TRPC6: variants seen among roughly 807,000 people sequenced by gnomAD.
TRPC6 encodes transient receptor potential cation channel subfamily C member 6.
A neutral mutation model predicts 90.7 loss-of-function variants in TRPC6; 55 were observed. The ratio of observed to expected loss-of-function variants is 0.61; its 90% CI spans 0.49 to 0.76. The LOEUF is 0.76. Among genes scored for constraint, TRPC6 ranks in the 30% least tolerant of loss-of-function variants. The pLI is 0.00. For missense variants in TRPC6, 989 were observed against 1,122.7 expected (o/e 0.88, Z 1.70); for synonymous variants, 393 against 393.0 (o/e 1.00, Z 0.00).
At chr11:101,480,516 T>G (rs1315951695) in intron 5 of TRPC6, among the ~76,000 whole-genome samples, 4 of 152,046 alleles carry the variant, frequency 2.6e-5, no homozygotes, top group Non-Finnish European at 5.9e-5. Flanking sequence ...CATTTTATTC[T>G]TTACCATAAA....
intron 1 of TRPC6, among the ~76,000 whole-genome samples, chr11:101,537,763 C>CA (rs34060162): frequency 2.6e-4 from 38 of 148,190 alleles, no homozygotes; most frequent in South Asian, 6.4e-4. Flanking sequence ...ACATTGCTGT[C>CA]AAAAAAAAAA....
chr11:101,518,667 A>G (rs1488134023), intron 1 of TRPC6, among the ~76,000 whole-genome samples: 1 of 152,252 alleles, frequency 6.6e-6, no homozygotes, highest in Non-Finnish European at 1.5e-5. Flanking sequence ...CTGCCATATG[A>G]TCCAGCAATC....
chr11:101,477,801 A>T (rs1303317575), intron 5 of TRPC6, among the ~76,000 whole-genome samples: 2 of 152,230 alleles, frequency 1.3e-5, no homozygotes, highest in Non-Finnish European at 2.9e-5. Context: ...CTTGGAAAAA[A>T]GTATGACTAA....
chr11:101,583,278 C>A lies in TRPC6; in HGVS notation c.170+56G>T, dbSNP rs1862241211. The stretch of plus-strand genomic sequence containing the variant: ...ACGGACTCGGCCACTCCTGCGAGCG[C>A]ACAACCTCCCTCCGCGCAGCCCGCG... On this transcript the variant is annotated intron_variant, in intron 1 of 12. Transcript: ENST00000344327. 32 of 1,530,352 alleles carry A rather than the reference C, an allele frequency of 2.1e-5. No individual in the cohort carries two copies. In the South Asian group the frequency reaches 3.8e-4, roughly 18 times the overall value. The allele number at this position is 1,530,352 out of a possible 1,614,324, so 94.8% of individuals were successfully genotyped here. A position where few individuals can be genotyped will look rare whatever the true frequency, so the allele number is the denominator to read the frequency against.
chr11:101,463,069 T>C (rs1042023934), intron 10 of TRPC6, among the ~76,000 whole-genome samples: 15 of 152,222 alleles, frequency 9.9e-5, no homozygotes, highest in Admixed American at 9.8e-4. Context: ...GAGATAATCA[T>C]GTGGTTTTTG....
intron 1 of TRPC6, among the ~76,000 whole-genome samples, chr11:101,566,847 C>G (rs986726038): frequency 6.6e-6 from 1 of 152,198 alleles, no homozygotes; most frequent in African/African-American, 2.4e-5. Flanking sequence ...AGCCCAGATA[C>G]TGGGCTTTTC....
At chr11:101,526,848 A>G (rs1245621243) in intron 1 of TRPC6, among the ~76,000 whole-genome samples, 1 of 132,436 alleles carries the variant, frequency 7.6e-6, no homozygotes, top group Non-Finnish European at 1.6e-5. Flanking sequence ...TGGGTGACAG[A>G]AGGAGACTGT....
At chr11:101,551,487 TCTA>T (rs1565240095) in intron 1 of TRPC6, among the ~76,000 whole-genome samples, 1 of 150,966 alleles carries the variant, frequency 6.6e-6, no homozygotes, top group Non-Finnish European at 1.5e-5. Flanking sequence ...TACAAATTAT[TCTA>T]CTAAGAAATA....
At chr11:101,573,117 G>T (rs1862000029) in intron 1 of TRPC6, among the ~76,000 whole-genome samples, 1 of 147,690 alleles carries the variant, frequency 6.8e-6, no homozygotes, top group Non-Finnish European at 1.5e-5. Flanking sequence ...AAAATCTAGT[G>T]ATACAGTATG....
chr11:101,458,255 T>C (rs1858929442), intron 10 of TRPC6, among the ~76,000 whole-genome samples: 1 of 152,172 alleles, frequency 6.6e-6, no homozygotes, highest in African/African-American at 2.4e-5. Context: ...CTGTAGTCAA[T>C]TCATCCTAGA....
In TRPC6 at chr11:101,527,791, C is replaced by T. The variant is rs1288606260; in HGVS notation, c.171-22993G>A. Among the ~76,000 whole-genome samples, 3 of 151,970 alleles carry T rather than the reference C, an allele frequency of 2.0e-5. No individual in the cohort carries two copies. The East Asian group carries it at 5.8e-4, about 29-fold the overall frequency. On this transcript the variant is annotated intron_variant, in intron 1 of 12. Transcript: ENST00000344327. ...GTGATGGAGTGTAAAATATTTTTGT[C>T]AGCCAGGCACAGTGGCTCACACCTG...
intron 1 of TRPC6, among the ~76,000 whole-genome samples, chr11:101,541,090 A>C (rs1045036623): frequency 2.6e-5 from 4 of 152,234 alleles, no homozygotes; most frequent in African/African-American, 4.8e-5. Flanking sequence ...GAATTAATAG[A>C]AAATGTATAT....
At chr11:101,580,420 C>A (rs1466369208) in intron 1 of TRPC6, among the ~76,000 whole-genome samples, 1 of 152,102 alleles carries the variant, frequency 6.6e-6, no homozygotes, top group Non-Finnish European at 1.5e-5. Context: ...AAGAGAAAAT[C>A]TGAGCCATTT....
chr11:101,579,405 G>T (rs1478066547), intron 1 of TRPC6, among the ~76,000 whole-genome samples: 1 of 152,052 alleles, frequency 6.6e-6, no homozygotes, highest in East Asian at 1.9e-4. Context: ...ACTACTGCAT[G>T]TCTTATATCT....
chr11:101,526,657 G>A (rs915646222), intron 1 of TRPC6, among the ~76,000 whole-genome samples: 2 of 151,720 alleles, frequency 1.3e-5, no homozygotes, highest in Middle Eastern at 3.2e-3. Flanking sequence ...GGTCAGGAGT[G>A]TGAGACCAGT....
chr11:101,570,316 A>G (rs1861931972), intron 1 of TRPC6, among the ~76,000 whole-genome samples: 1 of 152,208 alleles, frequency 6.6e-6, no homozygotes, highest in Admixed American at 6.5e-5. Context: ...TCCCAAGACT[A>G]ATCCAGGTAG....
chr11:101,583,247 G>T, intron 1 of TRPC6, 87 bp downstream of exon 1: 1 of 1,492,706 alleles, frequency 6.7e-7, no homozygotes, highest in Non-Finnish European at 8.9e-7. Flanking sequence ...TTCAGGACGC[G>T]CGCGGACGGA....
At chr11:101,517,775 C>T (rs1337575095) in intron 1 of TRPC6, among the ~76,000 whole-genome samples, 4 of 152,184 alleles carry the variant, frequency 2.6e-5, no homozygotes, top group East Asian at 1.9e-4. Context: ...ACTAACTTGC[C>T]CAATGTTAAA....
In TRPC6 at chr11:101,452,780, T is replaced by G. The variant is rs199878670; in HGVS notation, c.*175A>C. 75 of 663,284 alleles carry G rather than the reference T, an allele frequency of 1.1e-4. No individual in the cohort carries two copies. In the African/African-American group the frequency reaches 1.2e-3, roughly 11 times the overall value. 41.1% of individuals were successfully genotyped at this position (663,284 alleles called of 1,614,324 possible). A position where few individuals can be genotyped will look rare whatever the true frequency, so the allele number is the denominator to read the frequency against. ...TATCTACAGCCTTTACCCTGAACAA[T>G]GGAGTTTAATCACCAAAAAAATTAG... is the stretch of plus-strand genomic sequence containing the variant. On this transcript the variant is annotated 3_prime_UTR_variant, in exon 13 of 13. Transcript: ENST00000344327.
Sources: gnomAD v4.1 joint callset for allele counts (sites outside exome capture counted in the v4.1 genomes callset) on GRCh38, gnomAD v4.1.1 for gene constraint, MANE v1.5 for transcripts, NCBI Gene and HGNC (gene_info 2026-07-23, HGNC 2026-07-21) for gene names.